Variants in HIVEP2 observed in about 807,000 individuals in gnomAD.
HIVEP2 encodes the protein transcription factor HIVEP2.
A neutral mutation model predicts 180.7 loss-of-function variants in HIVEP2; 14 were observed. That is an observed-to-expected ratio of 0.08 (90% CI 0.05 to 0.12). The LOEUF is 0.12. HIVEP2 is among the 10% of genes least tolerant of loss of function. The pLI, the probability that HIVEP2 is intolerant of heterozygous loss-of-function variation, is 1.00. For synonymous variants in HIVEP2, 1,184 were observed against 1,136.4 expected, an observed-to-expected ratio of 1.04 and a Z score of -0.84; for missense variants, 2,579 against 3,008.5, an observed-to-expected ratio of 0.86 and a Z score of 3.34.
intron 1 of HIVEP2, among the ~76,000 whole-genome samples, chr6:142,914,598 G>A (rs1188454127): frequency 1.3e-5 from 2 of 152,110 alleles, no homozygotes; most frequent in Non-Finnish European, 2.9e-5. Context: ...TGCAGGGAGA[G>A]GTTAAATGAC....
chr6:142,764,056 T>C (rs957585874), intron 7 of HIVEP2, among the ~76,000 whole-genome samples: 57 of 152,194 alleles, frequency 3.7e-4, no homozygotes, highest in Non-Finnish European at 5.9e-5. Flanking sequence ...TAAAACACAC[T>C]TCTGCAAAAG....
In HIVEP2 at chr6:142,894,391, A is replaced by G. The variant is rs9403411; in HGVS notation, c.-641+50708T>C. Among the ~76,000 whole-genome samples the G allele has an allele frequency of 8.5e-3, 1,298 of 152,314 alleles. 80 individuals carry two copies. In the East Asian group the frequency reaches 0.17, roughly 20 times the overall value. The stretch of plus-strand genomic sequence containing the variant: ...TCAAGAAAACCATGTCAACAGGTTA[A>G]CTTCCCAAAGTTTGACTGTTCAAGA... On this transcript the variant is annotated intron_variant, in intron 1 of 9. Coordinates refer to ENST00000367603, the MANE Select transcript of HIVEP2 (RefSeq NM_006734.4).
chr6:142,884,144 T>C (rs541511249), intron 1 of HIVEP2, among the ~76,000 whole-genome samples: 41 of 152,332 alleles, frequency 2.7e-4, no homozygotes, highest in African/African-American at 9.6e-4. Flanking sequence ...AATCTCTTTT[T>C]CCACTAGGGC....
intron 2 of HIVEP2, among the ~76,000 whole-genome samples, chr6:142,832,260 A>G (rs1284329830): frequency 6.6e-6 from 1 of 151,982 alleles, no homozygotes; most frequent in Non-Finnish European, 1.5e-5. Flanking sequence ...AATTATTTTT[A>G]TTAAACCCAA....
At chr6:142,859,139 T>A (rs1475221087) in intron 1 of HIVEP2, among the ~76,000 whole-genome samples, 1 of 152,150 alleles carries the variant, frequency 6.6e-6, no homozygotes, top group South Asian at 2.1e-4. Flanking sequence ...TCTCTATTTT[T>A]TTTAACCAAT....
intron 2 of HIVEP2, among the ~76,000 whole-genome samples, chr6:142,802,388 G>A (rs1164435212): frequency 6.6e-6 from 1 of 152,136 alleles, no homozygotes; most frequent in African/African-American, 2.4e-5. Context: ...CTAACTGTGA[G>A]TCCAGTAAGA....
At chr6:142,760,726 T>TG in intron 8 of HIVEP2, 59 bp from the exon 9 acceptor site, 1 of 1,258,126 alleles carries the variant, frequency 7.9e-7, no homozygotes, top group Non-Finnish European at 1.1e-6. Flanking sequence ...GTTAGGATCT[T>TG]ATTTAAGCCT....
chr6:142,770,833 G>A lies in HIVEP2; in HGVS notation c.3906C>T (p.Ser1302=). ...CAGAGGGCGTTTCAGTTGACTTACT[G>A]CTCTGGTCTGATGGAAACTTTGGAA... The part of the protein sequence containing the change: ...NLLPKFPSDQ[S]SKSTETPSEQ... Residue 1302 remains serine, a synonymous_variant, in exon 5 of 10, where the codon AGC becomes AGT. Transcript: ENST00000367603. This position sits in a 1 kb window ranked among gnomAD's most constrained non-coding sequence, Gnocchi z 4.7. The A allele has an allele frequency of 6.2e-7, 1 of 1,614,216 alleles. No individual in the cohort carries two copies. The highest frequency in any genetic ancestry group is 1.1e-5 in the South Asian group (1 of 91,080).
chr6:142,929,265 C>T (rs1484030379), intron 1 of HIVEP2, among the ~76,000 whole-genome samples: 1 of 152,130 alleles, frequency 6.6e-6, no homozygotes, highest in East Asian at 1.9e-4. Flanking sequence ...CTGGTCTATA[C>T]CTAGTTGCTG....
intron 1 of HIVEP2, among the ~76,000 whole-genome samples, chr6:142,859,628 G>A (rs1775916849): frequency 6.6e-6 from 1 of 151,970 alleles, no homozygotes; most frequent in African/African-American, 2.4e-5. Flanking sequence ...GAGGTCAGGA[G>A]CTCAAGACCA....
intron 9 of HIVEP2, among the ~76,000 whole-genome samples, chr6:142,757,889 G>T (rs1562495842): frequency 6.6e-6 from 1 of 152,150 alleles, no homozygotes; most frequent in Admixed American, 6.6e-5. Context: ...TGCGATAAAG[G>T]CTTACTTTTT....
intron 1 of HIVEP2, among the ~76,000 whole-genome samples, chr6:142,913,689 G>C (rs1290834085): frequency 6.6e-6 from 1 of 152,212 alleles, no homozygotes; most frequent in Admixed American, 6.5e-5. Flanking sequence ...TCGACTGCAG[G>C]GGGTGCTGAA....
Position 142,752,327 on chromosome 6 carries a change from C to T in HIVEP2, c.*780G>A, listed in dbSNP as rs183686746. On this transcript the variant is annotated 3_prime_UTR_variant, in exon 10 of 10. Coordinates refer to ENST00000367603, the MANE Select transcript of HIVEP2 (RefSeq NM_006734.4). ...AGCTTTGAAAAAACTCACAATAGCA[C>T]ATTGTTTACTTTAATGCTTTACGGT... The T allele has an allele frequency of 1.3e-5, 2 of 152,726 alleles. No individual in the cohort carries two copies. The highest frequency in any genetic ancestry group is 2.9e-5 in the Non-Finnish European group (2 of 68,034). 9.5% of individuals were successfully genotyped at this position (152,726 alleles called of 1,614,324 possible). A position where few individuals can be genotyped will look rare whatever the true frequency, so the allele number is the denominator to read the frequency against.
intron 1 of HIVEP2, among the ~76,000 whole-genome samples, chr6:142,866,894 G>A (rs1343245342): frequency 6.6e-6 from 1 of 151,740 alleles, no homozygotes; most frequent in African/African-American, 2.4e-5. Context: ...TTTATAAAAA[G>A]CGAAAAAGAA....
intron 1 of HIVEP2, among the ~76,000 whole-genome samples, chr6:142,854,734 GCTT>G (rs1775773474): frequency 6.6e-6 from 1 of 152,142 alleles, no homozygotes; most frequent in Admixed American, 6.6e-5. Context: ...GCCACATCCT[GCTT>G]CTTAAGCTTT....
Position 142,928,441 on chromosome 6 carries a change from G to T in HIVEP2, c.-641+16658C>A, listed in dbSNP as rs568185983. Among the ~76,000 whole-genome samples the T allele has an allele frequency of 3.9e-5, 6 of 152,182 alleles. No homozygotes were observed. In the East Asian group the frequency reaches 7.7e-4, roughly 20 times the overall value. Reference sequence around the variant, plus strand: ...GATAAACAAGTTTCATGTTTAGAAGGTTACTGAAATTTTTTTATATGGTAA... The same window carrying T: ...GATAAACAAGTTTCATGTTTAGAAGTTTACTGAAATTTTTTTATATGGTAA... On this transcript the variant is annotated intron_variant, in intron 1 of 9. Transcript: ENST00000367603.
In HIVEP2 at chr6:142,759,780, C is replaced by T. The variant is rs775868573; in HGVS notation, c.6508G>A (p.Gly2170Arg). ...QYLQAEPIVL[G>R]PPNLRRGLPQ... is the part of the protein sequence containing the mutation. The stretch of plus-strand genomic sequence containing the variant: ...AAGTGGATTATACTTACAGGAGGCC[C>T]CAATACAATTGGCTCTGCTTGCAAA... Residue 2170 changes from glycine (G) to arginine (R), a missense_variant, in exon 9 of 10, where the codon GGG becomes AGG. This residue lies in a region of HIVEP2 where 660 missense variants were observed against 731.7 expected (regional missense o/e 0.90). Transcript: ENST00000367603. 11 of 1,601,188 alleles carry T rather than the reference C, an allele frequency of 6.9e-6. No individual in the cohort carries two copies. The African/African-American group carries it at 1.2e-4, about 18-fold the overall frequency.
At chr6:142,809,380 C>A (rs1353033306) in intron 2 of HIVEP2, among the ~76,000 whole-genome samples, 1 of 152,104 alleles carries the variant, frequency 6.6e-6, no homozygotes, top group Non-Finnish European at 1.5e-5. Flanking sequence ...TGGCACTGGG[C>A]ACACACCCCT....
chr6:142,773,868 C>T lies in HIVEP2; in HGVS notation c.871G>A (p.Ala291Thr). The T allele has an allele frequency of 1.2e-6, 2 of 1,613,626 alleles. No individual in the cohort carries two copies. The highest frequency in any genetic ancestry group is 1.7e-6 in the Non-Finnish European group (2 of 1,180,036). ...TDEESSLFAE[A>T]SDKMSPGPPI... ...GGACCAGGACTCATTTTGTCAGAAG[C>T]CTCGGCAAATAAAGAACTCTCCTCA... The change falls in exon 5 of 10, where the codon GCT becomes ACT. Residue 291 changes from alanine to threonine, a missense_variant. By Grantham distance (58) the Ala-to-Thr change is moderately conservative. Around this residue, in one of 11 missense-constraint regions of HIVEP2, gnomAD observed 142 missense variants for 135.2 expected, o/e 1.05. Transcript: ENST00000367603.
Sources: allele counts gnomAD v4.1 joint callset (sites outside exome capture counted in the v4.1 genomes callset), GRCh38; gene constraint gnomAD v4.1.1; regional missense constraint gnomAD v4.1.1; non-coding constraint Gnocchi (gnomAD v3.1); transcripts MANE v1.5; gene names NCBI Gene and HGNC (gene_info 2026-07-23, HGNC 2026-07-21).